The following RFX7 variants were observed in gnomAD, a reference collection of about 807,000 sequenced individuals.
The protein encoded by RFX7 is regulatory factor X7.
In RFX7, 26 loss-of-function variants were observed where a neutral mutation model predicts 111.8. The ratio of observed to expected loss-of-function variants is 0.23; its 90% CI spans 0.17 to 0.32. The LOEUF is 0.32. Ranked by LOEUF, RFX7 falls within the 10% of genes least tolerant of loss-of-function variation. RFX7 has a pLI of 1.00. For synonymous variants in RFX7, 624 were observed against 624.4 expected, an observed-to-expected ratio of 1.00 and a Z score of 0.01; for missense variants, 1,573 against 1,772.9, an observed-to-expected ratio of 0.89 and a Z score of 2.02.
At chr15:56,195,777 C>T (rs1343060007) in intron 2 of RFX7, among the ~76,000 whole-genome samples, 7 of 152,138 alleles carry the variant, frequency 4.6e-5, no homozygotes, top group African/African-American at 1.7e-4. Context: ...ATTATTTCCA[C>T]TTGTTTCTAG....
intron 2 of RFX7, among the ~76,000 whole-genome samples, chr15:56,189,121 A>G (rs1319010386): frequency 2.0e-5 from 3 of 152,344 alleles, no homozygotes; most frequent in South Asian, 2.1e-4. Context: ...GCCCCACTGC[A>G]ATAAACATTT....
At chr15:56,102,338 G>T in intron 6 of RFX7, 85 bp from the exon 7 acceptor site, 2 of 707,642 alleles carry the variant, frequency 2.8e-6, no homozygotes, top group Non-Finnish European at 4.5e-6. Context: ...TATATGAAAT[G>T]AGAAAAAAAA....
At chr15:56,167,414 C>G (rs964715118) in intron 3 of RFX7, among the ~76,000 whole-genome samples, 1 of 152,162 alleles carries the variant, frequency 6.6e-6, no homozygotes, top group African/African-American at 2.4e-5. Context: ...GTAATATAGA[C>G]TGAGAAACTT....
chr15:56,195,024 T>C (rs2043134239), intron 2 of RFX7, among the ~76,000 whole-genome samples: 1 of 152,100 alleles, frequency 6.6e-6, no homozygotes, highest in Non-Finnish European at 1.5e-5. Flanking sequence ...CATAAGTGGA[T>C]GAATGGATAA....
At chr15:56,147,164 G>C (rs1417009995) in intron 3 of RFX7, among the ~76,000 whole-genome samples, 1 of 152,094 alleles carries the variant, frequency 6.6e-6, no homozygotes, top group African/African-American at 2.4e-5. Context: ...CCTTTGGCTG[G>C]ATTTATAAAA....
chr15:56,118,351 C>CT (rs1252894447), intron 5 of RFX7, among the ~76,000 whole-genome samples: 1 of 152,080 alleles, frequency 6.6e-6, no homozygotes, highest in East Asian at 1.9e-4. Context: ...CCCCACTACC[C>CT]TTCCAAGCCT....
intron 2 of RFX7, among the ~76,000 whole-genome samples, chr15:56,198,406 G>A (rs1459690220): frequency 6.6e-6 from 1 of 152,152 alleles, no homozygotes; most frequent in Non-Finnish European, 1.5e-5. Context: ...TTCCATTAGA[G>A]TAAAAGGGAC....
chr15:56,088,143 T>G lies in RFX7; in HGVS notation c.*5202A>C, dbSNP rs2041550207. On this transcript the variant is annotated 3_prime_UTR_variant, in exon 10 of 10. Coordinates refer to ENST00000559447, the MANE Select transcript of RFX7 (RefSeq NM_022841.7). ...ACTCCACAAAAATCAAACTCAATTCTAAATTTAAAACCAGAATGAAAATTT... is the reference window on the plus strand; with the variant it reads ...ACTCCACAAAAATCAAACTCAATTCGAAATTTAAAACCAGAATGAAAATTT... 1 of 194,504 alleles carries G rather than the reference T, an allele frequency of 5.1e-6. No homozygotes were observed. Among genetic ancestry groups the G allele is most frequent in the Non-Finnish European group, 1.1e-5 (1 of 92,484 alleles). 12.0% of individuals were successfully genotyped at this position (194,504 alleles called of 1,614,324 possible).
At chr15:56,103,129 A>ATTTTTTTTTT (rs11336124) in intron 6 of RFX7, among the ~76,000 whole-genome samples, 2 of 94,430 alleles carry the variant, frequency 2.1e-5, no homozygotes, top group Non-Finnish European at 4.1e-5. Flanking sequence ...GTTCCATAAG[A>ATTTTTTTTTT]TTTTTTTTTT....
intron 2 of RFX7, among the ~76,000 whole-genome samples, chr15:56,197,319 T>G (rs1472285228): frequency 6.6e-6 from 1 of 152,170 alleles, no homozygotes; most frequent in African/African-American, 2.4e-5. Context: ...CATGTTGCTT[T>G]TTTTAAACAG....
At chr15:56,230,929 C>T (rs1333704021) in intron 2 of RFX7, among the ~76,000 whole-genome samples, 1 of 152,162 alleles carries the variant, frequency 6.6e-6, no homozygotes, top group African/African-American at 2.4e-5. Flanking sequence ...CCCAACTCTA[C>T]TAAAAATACA....
At chr15:56,121,389 TTATCTTGCTGCTTTTAGGA>T (rs1408938102) in intron 5 of RFX7, among the ~76,000 whole-genome samples, 1 of 152,342 alleles carries the variant, frequency 6.6e-6, no homozygotes, top group African/African-American at 2.4e-5. Context: ...TTTGTTTGTT[TTATCTTGCTGCTTTTAGGA>T]TCTTTCTTTA....
At chr15:56,183,139 G>C (rs2042994702) in intron 2 of RFX7, among the ~76,000 whole-genome samples, 1 of 151,938 alleles carries the variant, frequency 6.6e-6, no homozygotes, top group Admixed American at 6.6e-5. Flanking sequence ...GTTAGACATA[G>C]GGATTTTCTC....
chr15:56,228,328 T>A (rs1469206651), intron 2 of RFX7, among the ~76,000 whole-genome samples: 1 of 152,176 alleles, frequency 6.6e-6, no homozygotes, highest in Non-Finnish European at 1.5e-5. Context: ...CCCATTATGC[T>A]TATGTTACAC....
At chr15:56,222,759 C>T (rs2713922) in intron 2 of RFX7, among the ~76,000 whole-genome samples, 96,086 of 151,976 alleles carry the variant, frequency 0.63, 30,625 homozygotes, top group East Asian at 0.86. Flanking sequence ...CCAGAGACAA[C>T]ATAAAATAGT....
intron 2 of RFX7, among the ~76,000 whole-genome samples, chr15:56,186,536 T>A (rs1219312773): frequency 3.9e-5 from 6 of 152,060 alleles, no homozygotes; most frequent in African/African-American, 1.4e-4. Context: ...GAGTGTGGGG[T>A]GAAAATCCTG....
chr15:56,102,451 T>C (rs376213660), intron 6 of RFX7, among the ~76,000 whole-genome samples, 198 bp from the exon 7 acceptor site: 12 of 152,346 alleles, frequency 7.9e-5, no homozygotes, highest in African/African-American at 2.4e-4. Context: ...AATACCCCTT[T>C]AGAATGTTAA....
At position 56,107,933 on chromosome 15, in the gene RFX7, C is replaced by T. The variant is rs555423752; in HGVS notation, c.402-4263G>A. Among the ~76,000 whole-genome samples the T allele has an allele frequency of 7.2e-5, 11 of 152,250 alleles. No individual in the cohort carries two copies. In the East Asian group the frequency reaches 9.6e-4, roughly 13 times the overall value. ...TCAGAGAATACTATAAACACCTCTA[C>T]GCAAATAAACTAGAAAATCTAGAAG... On this transcript the variant is annotated intron_variant, in intron 5 of 9. Coordinates refer to ENST00000559447, the MANE Select transcript of RFX7 (RefSeq NM_022841.7).
intron 5 of RFX7, among the ~76,000 whole-genome samples, chr15:56,136,753 T>C (rs1384843577): frequency 2.1e-5 from 3 of 143,206 alleles, no homozygotes; most frequent in African/African-American, 7.8e-5. Flanking sequence ...GGCTGTGGGT[T>C]TGTCATAGAT....
Sources: gnomAD v4.1 joint callset for allele counts (sites outside exome capture counted in the v4.1 genomes callset) on GRCh38, gnomAD v4.1.1 for gene constraint, MANE v1.5 for transcripts, NCBI Gene and HGNC (gene_info 2026-07-23, HGNC 2026-07-21) for gene names.